Variants in HDAC4 observed in about 807,000 individuals in gnomAD.
The protein encoded by HDAC4 is histone deacetylase 4, also known as histone deacetylase A.
HDAC4 carries 16 observed loss-of-function variants against 135.1 expected under a neutral mutation model. The ratio of observed to expected loss-of-function variants is 0.12; its 90% CI spans 0.08 to 0.18. The LOEUF (loss-of-function observed/expected upper bound fraction) is 0.18, where lower values mean the gene tolerates loss of function less well. HDAC4 is among the 10% of genes least tolerant of loss of function. HDAC4 has a pLI of 1.00. For missense variants in HDAC4, 1,143 were observed against 1,511.8 expected (o/e 0.76, Z 4.05); for synonymous variants, 685 against 653.4 (o/e 1.05, Z -0.74).
chr2:239,091,326 A>T (rs138204125), intron 17 of HDAC4: 1 of 152,368 alleles, frequency 6.6e-6, no homozygotes, highest in Non-Finnish European at 1.5e-5. Context: ...ATCTGTCCCC[A>T]AGTGTGTCCC....
rs1033249843 is a variant in HDAC4 at position 239,285,388 on chromosome 2, C to G, written c.23-48724G>C. ...TGCTCTTCCCTGGCATCCTGCACTT[C>G]CTGGGTAAGGAAGGAGAAGCCTTAC... On this transcript the variant is annotated intron_variant, in intron 2 of 26. Coordinates refer to ENST00000543185, the MANE Select transcript of HDAC4 (RefSeq NM_001378414.1). The surrounding 1 kb of genome is among the most constrained non-coding windows in gnomAD (Gnocchi z 4.5). Among the ~76,000 whole-genome samples the G allele has an allele frequency of 2.6e-5, 4 of 152,176 alleles. No homozygotes were observed. Among genetic ancestry groups the G allele is most frequent in the Non-Finnish European group, 4.4e-5 (3 of 68,040 alleles).
intron 2 of HDAC4, among the ~76,000 whole-genome samples, chr2:239,270,391 C>T (rs1005302011): frequency 3.9e-5 from 6 of 152,134 alleles, no homozygotes; most frequent in African/African-American, 1.4e-4. Context: ...AAGAGCAGAG[C>T]TGGCAACATG....
At chr2:239,198,864 C>T (rs990536424) in intron 3 of HDAC4, among the ~76,000 whole-genome samples, 6 of 152,116 alleles carry the variant, frequency 3.9e-5, no homozygotes, top group African/African-American at 1.4e-4. Flanking sequence ...TCTGCTCATC[C>T]ACCACTTCCC....
intron 3 of HDAC4, among the ~76,000 whole-genome samples, chr2:239,195,079 G>C (rs955008851): frequency 6.6e-6 from 1 of 152,192 alleles, no homozygotes; most frequent in African/African-American, 2.4e-5. Flanking sequence ...AGCCAGAGGG[G>C]GCTTCGGTGG....
Position 239,299,423 on chromosome 2 carries a change from T to C in HDAC4, c.22+53255A>G, listed in dbSNP as rs1328920841. ...CCAATAAAATGCTGACATGGGCTAATCTCAAGCAGATATTCTGATCCCCTC... is the reference window on the plus strand; with the variant it reads ...CCAATAAAATGCTGACATGGGCTAACCTCAAGCAGATATTCTGATCCCCTC... On this transcript the variant is annotated intron_variant, in intron 2 of 26. Transcript: ENST00000543185. The surrounding 1 kb of genome is among the most constrained non-coding windows in gnomAD (Gnocchi z 4.0). 6.6e-6 allele frequency among the ~76,000 whole-genome samples: 1 copy of C among 152,200 alleles called. No individual in the cohort carries two copies. The highest frequency in any genetic ancestry group is 1.5e-5 in the Non-Finnish European group (1 of 68,042).
intron 1 of HDAC4, among the ~76,000 whole-genome samples, chr2:239,371,434 C>A (rs973006639): frequency 2.6e-5 from 4 of 151,796 alleles, no homozygotes; most frequent in Non-Finnish European, 2.9e-5. Flanking sequence ...CTCAAACTCA[C>A]ACATTCAATC....
intron 2 of HDAC4, among the ~76,000 whole-genome samples, chr2:239,316,737 A>G (rs1329881432): frequency 1.3e-5 from 2 of 152,302 alleles, no homozygotes; most frequent in East Asian, 3.9e-4. Context: ...CTTTCCGTGC[A>G]AGAAAGTGGG....
chr2:239,080,059 GAC>G (rs956111898), intron 22 of HDAC4, among the ~76,000 whole-genome samples: 6 of 149,936 alleles, frequency 4.0e-5, no homozygotes, highest in African/African-American at 1.5e-4. Context: ...CACCCACACA[GAC>G]ACACACACAG....
chr2:239,265,131 C>A (rs936245525), intron 2 of HDAC4, among the ~76,000 whole-genome samples: 4 of 152,146 alleles, frequency 2.6e-5, no homozygotes, highest in Non-Finnish European at 4.4e-5. Context: ...CCACTGTGAA[C>A]CCGCCCCAGG....
At chr2:239,073,310 T>A (rs2034389555) in intron 22 of HDAC4, among the ~76,000 whole-genome samples, 1 of 152,222 alleles carries the variant, frequency 6.6e-6, no homozygotes. Flanking sequence ...ACACAGGAGC[T>A]GTGCCCCGAG....
At chr2:239,248,224 A>G (rs190168781) in intron 2 of HDAC4, among the ~76,000 whole-genome samples, 4,894 of 150,470 alleles carry the variant, frequency 0.033, 274 homozygotes, top group African/African-American at 0.11. Context: ...TCTGTCACCC[A>G]GGCTGAAGTG....
At chr2:239,357,845 C>T (rs192009408) in intron 1 of HDAC4, among the ~76,000 whole-genome samples, 7 of 136,764 alleles carry the variant, frequency 5.1e-5, no homozygotes, top group Non-Finnish European at 1.1e-4. Flanking sequence ...GCCAAAATCA[C>T]GCCACTGTAC....
chr2:239,198,085 A>T (rs1417976841), intron 3 of HDAC4, among the ~76,000 whole-genome samples: 5 of 151,808 alleles, frequency 3.3e-5, no homozygotes, highest in African/African-American at 1.2e-4. Context: ...ACCTCAGGTG[A>T]TCCTCTCGCT....
chr2:239,059,864 AC>A (rs2032417110), intron 24 of HDAC4, among the ~76,000 whole-genome samples: 1 of 151,472 alleles, frequency 6.6e-6, no homozygotes, highest in South Asian at 2.1e-4. Context: ...GGGGCCTTGG[AC>A]CCACCTACCA....
intron 24 of HDAC4, among the ~76,000 whole-genome samples, chr2:239,057,522 CAG>C (rs1379686445): frequency 6.6e-6 from 1 of 152,158 alleles, no homozygotes; most frequent in Non-Finnish European, 1.5e-5. Flanking sequence ...CTAGAGAAAA[CAG>C]AATCTTCAAA....
intron 17 of HDAC4, chr2:239,093,851 G>T: frequency 2.6e-6 from 2 of 773,188 alleles, no homozygotes; most frequent in Non-Finnish European, 3.1e-6. Context: ...TCCTTTTCAA[G>T]TCTGGCCAAA....
chr2:239,207,230 A>G (rs937111096), intron 3 of HDAC4, among the ~76,000 whole-genome samples: 1 of 152,234 alleles, frequency 6.6e-6, no homozygotes, highest in African/African-American at 2.4e-5. Context: ...AAAATCTTGT[A>G]AGATTCTGTT....
At chr2:239,102,256 A>G (rs1427280259) in intron 16 of HDAC4, among the ~76,000 whole-genome samples, 2 of 152,190 alleles carry the variant, frequency 1.3e-5, no homozygotes, top group African/African-American at 4.8e-5. Context: ...TCCCTGTGGA[A>G]AGCCTCTCAC....
rs532570035 is a variant in HDAC4 at position 239,299,866 on chromosome 2, C to T, written c.22+52812G>A. Reference sequence around the variant, plus strand: ...CAACAGAGCGGAGAGCCTGCAGGGACGCAGCTGGGGACTAAGCAGATGGGA... The same window carrying T: ...CAACAGAGCGGAGAGCCTGCAGGGATGCAGCTGGGGACTAAGCAGATGGGA... On this transcript the variant is annotated intron_variant, in intron 2 of 26. Transcript: ENST00000543185. This position sits in a 1 kb window ranked among gnomAD's most constrained non-coding sequence, Gnocchi z 4.0. 2.2e-4 allele frequency among the ~76,000 whole-genome samples: 34 copies of T among 152,258 alleles called. No homozygotes were observed. Among genetic ancestry groups the T allele is most frequent in the African/African-American group, 4.1e-4 (17 of 41,548 alleles).
Sources: gnomAD v4.1 joint callset for allele counts (sites outside exome capture counted in the v4.1 genomes callset) on GRCh38, gnomAD v4.1.1 for gene constraint, Gnocchi (gnomAD v3.1) non-coding constraint, MANE v1.5 for transcripts, NCBI Gene and HGNC (gene_info 2026-07-23, HGNC 2026-07-21) for gene names.